The following SLC35F1 variants were observed in gnomAD, a reference collection of about 807,000 sequenced individuals.
SLC35F1 encodes the protein solute carrier family 35 member F1, also known as chromosome 6 open reading frame 169.
Under a neutral mutation model 48.7 loss-of-function variants are expected in SLC35F1, and 14 were observed. The observed-to-expected ratio is 0.29, with a 90% CI of 0.19 to 0.45. The LOEUF (loss-of-function observed/expected upper bound fraction) is 0.45, where lower values mean the gene tolerates loss of function less well. SLC35F1 is among the 20% of genes least tolerant of loss of function. The pLI is 1.00. For synonymous variants in SLC35F1, 190 were observed against 202.2 expected (o/e 0.94, Z 0.51); for missense variants, 404 against 500.0 (o/e 0.81, Z 1.83).
intron 1 of SLC35F1, among the ~76,000 whole-genome samples, chr6:118,016,157 G>C (rs1432932333): frequency 2.6e-5 from 4 of 152,106 alleles, no homozygotes; most frequent in Non-Finnish European, 5.9e-5. Flanking sequence ...CTCAACCTTT[G>C]CTGTTTCCCA....
intron 7 of SLC35F1, among the ~76,000 whole-genome samples, chr6:118,306,023 G>A (rs1261289441): frequency 6.6e-6 from 1 of 152,112 alleles, no homozygotes; most frequent in Non-Finnish European, 1.5e-5. Flanking sequence ...ATGCCCTAAA[G>A]GACCTCCTCC....
At chr6:118,040,433 C>G (rs1372018930) in intron 1 of SLC35F1, among the ~76,000 whole-genome samples, 1 of 152,106 alleles carries the variant, frequency 6.6e-6, no homozygotes, top group African/African-American at 2.4e-5. Context: ...AGGAAAATTA[C>G]ACTGCTATGG....
intron 2 of SLC35F1, among the ~76,000 whole-genome samples, chr6:118,192,575 A>T (rs1774746640): frequency 6.6e-6 from 1 of 152,202 alleles, no homozygotes; most frequent in African/African-American, 2.4e-5. Flanking sequence ...CACAATTAAC[A>T]AGGAAATTTG....
At chr6:118,094,765 C>T (rs1271864832) in intron 1 of SLC35F1, among the ~76,000 whole-genome samples, 5 of 151,876 alleles carry the variant, frequency 3.3e-5, no homozygotes, top group East Asian at 1.9e-4. Context: ...ATCAGGAGTT[C>T]GAGACCAGCC....
rs988974599 is a variant in SLC35F1, at chr6:118,061,131, A to T, written c.174-93314A>T. ...GGATAGACAGTCATTAGTAGTTTCA[A>T]CTGCCTTCCTGTACTAAGGTGAACA... On this transcript the variant is annotated intron_variant, in intron 1 of 7. Transcript: ENST00000360388. 2.0e-5 allele frequency among the ~76,000 whole-genome samples: 3 copies of T among 152,352 alleles called. No homozygotes were observed. In the East Asian group the frequency reaches 5.8e-4, roughly 29 times the overall value.
At chr6:118,018,011 T>G (rs921695013) in intron 1 of SLC35F1, among the ~76,000 whole-genome samples, 2 of 152,154 alleles carry the variant, frequency 1.3e-5, no homozygotes, top group African/African-American at 4.8e-5. Flanking sequence ...AGGACAAACT[T>G]TATTTCTAGC....
chr6:117,994,084 A>G (rs1776954266), intron 1 of SLC35F1, among the ~76,000 whole-genome samples: 1 of 152,078 alleles, frequency 6.6e-6, no homozygotes, highest in South Asian at 2.1e-4. Context: ...TGTTCAGCTT[A>G]ATTCTAAGCA....
At chr6:118,175,197 A>G (rs989000453) in intron 2 of SLC35F1, among the ~76,000 whole-genome samples, 1 of 152,208 alleles carries the variant, frequency 6.6e-6, no homozygotes, top group African/African-American at 2.4e-5. Flanking sequence ...AAGTATAGAA[A>G]GTAAAATTAA....
At chr6:118,272,765 G>GTATA (rs61131467) in intron 4 of SLC35F1, among the ~76,000 whole-genome samples, 22 of 133,130 alleles carry the variant, frequency 1.7e-4, no homozygotes, top group East Asian at 4.1e-4. Context: ...ATATATATAT[G>GTATA]TATATATATA....
chr6:118,135,177 C>G (rs941863840), intron 1 of SLC35F1, among the ~76,000 whole-genome samples: 3 of 152,166 alleles, frequency 2.0e-5, no homozygotes, highest in African/African-American at 7.2e-5. Context: ...TACAAGTACA[C>G]TCAGGACACA....
intron 1 of SLC35F1, among the ~76,000 whole-genome samples, chr6:118,065,976 C>A (rs550672223): frequency 6.6e-6 from 1 of 152,036 alleles, no homozygotes; most frequent in Non-Finnish European, 1.5e-5. Flanking sequence ...AAGTGGCTAC[C>A]AAAACATCAT....
At chr6:117,929,236 T>C (rs1400536156) in intron 1 of SLC35F1, among the ~76,000 whole-genome samples, 1 of 152,054 alleles carries the variant, frequency 6.6e-6, no homozygotes, top group Non-Finnish European at 1.5e-5. Context: ...TTGAGGCTAA[T>C]CTCCCATCTC....
chr6:118,179,198 T>A (rs1383464616), intron 2 of SLC35F1, among the ~76,000 whole-genome samples: 1 of 152,034 alleles, frequency 6.6e-6, no homozygotes, highest in Non-Finnish European at 1.5e-5. Flanking sequence ...ATATATAAAA[T>A]GAGAAATTGG....
chr6:118,125,449 T>C (rs1456902931), intron 1 of SLC35F1, among the ~76,000 whole-genome samples: 4 of 152,156 alleles, frequency 2.6e-5, no homozygotes, highest in African/African-American at 9.7e-5. Context: ...GGAATTTTTC[T>C]GAAAGGTGAA....
intron 2 of SLC35F1, among the ~76,000 whole-genome samples, chr6:118,172,084 A>C (rs1292419705): frequency 1.3e-5 from 2 of 152,178 alleles, no homozygotes; most frequent in Non-Finnish European, 2.9e-5. Flanking sequence ...AAATGACGTC[A>C]GTAATAATCC....
intron 7 of SLC35F1, among the ~76,000 whole-genome samples, chr6:118,297,294 C>G (rs1242333028): frequency 6.6e-6 from 1 of 152,122 alleles, no homozygotes; most frequent in Non-Finnish European, 1.5e-5. Context: ...AATATAGGTT[C>G]TTCTTTTCTG....
chr6:118,069,312 T>C (rs1772664950), intron 1 of SLC35F1, among the ~76,000 whole-genome samples: 1 of 152,174 alleles, frequency 6.6e-6, no homozygotes, highest in Admixed American at 6.5e-5. Flanking sequence ...GAATCTAAAG[T>C]CTTAACATCA....
intron 1 of SLC35F1, among the ~76,000 whole-genome samples, chr6:118,112,082 C>CTTTTCTTTTCTTTTCTTTTCT (rs1169093414): frequency 1.5e-5 from 2 of 131,734 alleles, no homozygotes; most frequent in African/African-American, 5.7e-5. Context: ...TTCTTTATTT[C>CTTTTCTTTTCTTTTCTTTTCT]TTTCTTTTCT....
At chr6:118,214,548 T>C (rs372549634) in intron 2 of SLC35F1, among the ~76,000 whole-genome samples, 1 of 152,190 alleles carries the variant, frequency 6.6e-6, no homozygotes, top group Non-Finnish European at 1.5e-5. Flanking sequence ...ACATCCATTA[T>C]ATAAAGTAAG....
Sources: allele counts gnomAD v4.1 joint callset (sites outside exome capture counted in the v4.1 genomes callset), GRCh38; gene constraint gnomAD v4.1.1; transcripts MANE v1.5; gene names NCBI Gene and HGNC (gene_info 2026-07-23, HGNC 2026-07-21).